Variants in GABRB3 observed in about 807,000 individuals in gnomAD.
GABRB3 encodes the protein gamma-aminobutyric acid receptor subunit beta-3.
Under a neutral mutation model 52.1 loss-of-function variants are expected in GABRB3, and 14 were observed. The ratio of observed to expected loss-of-function variants is 0.27; its 90% CI spans 0.18 to 0.42. The LOEUF is 0.42. Ranked by LOEUF, GABRB3 falls within the 10% of genes least tolerant of loss-of-function variation. The pLI, the probability that GABRB3 is intolerant of heterozygous loss-of-function variation, is 1.00. For missense variants in GABRB3, 307 were observed against 609.1 expected, an observed-to-expected ratio of 0.50 and a Z score of 5.22; for synonymous variants, 260 against 232.3, an observed-to-expected ratio of 1.12 and a Z score of -1.08.
intron 3 of GABRB3, chr15:26,716,522 T>G: frequency 1.1e-6 from 1 of 879,014 alleles, no homozygotes; most frequent in Non-Finnish European, 1.4e-6. Context: ...GAGCAATGTG[T>G]GCAAGTTCCC....
At chr15:26,734,772 T>C in intron 3 of GABRB3, among the ~76,000 whole-genome samples, 1 of 152,030 alleles carries the variant, frequency 6.6e-6, no homozygotes, top group African/African-American at 2.4e-5. Flanking sequence ...ACCCCATCTC[T>C]AAAAAATTTA....
chr15:26,709,563 A>C (rs1226933582), intron 3 of GABRB3, among the ~76,000 whole-genome samples: 1 of 118,876 alleles, frequency 8.4e-6, no homozygotes, highest in South Asian at 2.8e-4. Flanking sequence ...TGTCGCCCAG[A>C]CTGGAGTGCA....
chr15:26,639,932 C>T (rs545225821), intron 3 of GABRB3, among the ~76,000 whole-genome samples: 1 of 152,272 alleles, frequency 6.6e-6, no homozygotes, highest in South Asian at 2.1e-4. Flanking sequence ...GTCTATGATG[C>T]CAACAAGAGT....
intron 3 of GABRB3, among the ~76,000 whole-genome samples, chr15:26,668,401 T>A (rs945120248): frequency 6.6e-6 from 1 of 152,186 alleles, no homozygotes; most frequent in Admixed American, 6.5e-5. Flanking sequence ...TATAAGCTCT[T>A]ACTACATGAG....
chr15:26,648,257 C>CT (rs1344215563), intron 3 of GABRB3, among the ~76,000 whole-genome samples: 2 of 152,112 alleles, frequency 1.3e-5, no homozygotes, highest in Non-Finnish European at 2.9e-5. Context: ...TTTGTGACTG[C>CT]TTTTTTCACT....
intron 3 of GABRB3, among the ~76,000 whole-genome samples, chr15:26,652,129 C>T (rs1416953785): frequency 6.6e-6 from 1 of 152,176 alleles, no homozygotes; most frequent in East Asian, 1.9e-4. Context: ...TCAGGCATTC[C>T]TTTCCATGGA....
At chr15:26,762,945 C>T (rs1051656879) in intron 3 of GABRB3, among the ~76,000 whole-genome samples, 1 of 152,194 alleles carries the variant, frequency 6.6e-6, no homozygotes, top group Non-Finnish European at 1.5e-5. Context: ...ATGGCACAGT[C>T]CAATATACCC....
chr15:26,593,757 T>C (rs535837006), intron 4 of GABRB3, among the ~76,000 whole-genome samples: 2 of 152,174 alleles, frequency 1.3e-5, no homozygotes, highest in South Asian at 4.2e-4. Context: ...TTGGCTACTA[T>C]GAATAATCCC....
chr15:26,615,042 T>C (rs1892204963), intron 4 of GABRB3: 1 of 152,488 alleles, frequency 6.6e-6, no homozygotes, highest in Non-Finnish European at 1.5e-5. Context: ...ATGTATGGCA[T>C]GAAGAAAAGA....
intron 7 of GABRB3, among the ~76,000 whole-genome samples, chr15:26,564,521 T>C (rs529784539): frequency 1.0e-3 from 153 of 152,268 alleles, no homozygotes; most frequent in Non-Finnish European, 1.7e-3. Context: ...GAGCCCTCAA[T>C]AGAGGCCTCT....
chr15:26,687,956 G>A (rs573904648), intron 3 of GABRB3, among the ~76,000 whole-genome samples: 79 of 152,270 alleles, frequency 5.2e-4, no homozygotes, highest in African/African-American at 1.9e-3. Context: ...CTTTTCCAGA[G>A]CACGCTTTTT....
chr15:26,744,742 A>G (rs796512389), intron 3 of GABRB3, among the ~76,000 whole-genome samples: 3 of 152,214 alleles, frequency 2.0e-5, no homozygotes, highest in African/African-American at 7.2e-5. Flanking sequence ...AGAAACTTTC[A>G]TTAAAACTTG....
Position 26,648,112 on chromosome 15 carries a change from A to G in GABRB3, c.241-26578T>C, listed in dbSNP as rs1223962780. On this transcript the variant is annotated intron_variant, in intron 3 of 8. Transcript: ENST00000311550. ...ATCTGCAGAACTCTCCATCACCCCA[A>G]CTGGAACTCTGTGCCCATTAAACAC... 5.3e-5 allele frequency among the ~76,000 whole-genome samples: 8 copies of G among 152,034 alleles called. No homozygotes were observed. The East Asian group carries it at 1.5e-3, about 29-fold the overall frequency.
intron 3 of GABRB3, among the ~76,000 whole-genome samples, chr15:26,750,617 T>C (rs1319186015): frequency 6.6e-6 from 1 of 152,204 alleles, no homozygotes; most frequent in Non-Finnish European, 1.5e-5. Context: ...AAAATGTGTG[T>C]TTACATTAAA....
chr15:26,656,762 A>G lies in GABRB3; in HGVS notation c.241-35228T>C, dbSNP rs1199503289. On this transcript the variant is annotated intron_variant, in intron 3 of 8. Coordinates refer to ENST00000311550, the MANE Select transcript of GABRB3 (RefSeq NM_000814.6). ...ATCCCCAAACCATACCCCTCCCCCAATCGCCCATCTGTGGAAAAAAGTGTC... is the reference window on the plus strand; with the variant it reads ...ATCCCCAAACCATACCCCTCCCCCAGTCGCCCATCTGTGGAAAAAAGTGTC... 1.3e-5 allele frequency among the ~76,000 whole-genome samples: 2 copies of G among 152,138 alleles called. 1 individual carries two copies. The highest frequency in any genetic ancestry group is 4.1e-4 in the South Asian group (2 of 4,830).
At chr15:26,757,825 ATC>A (rs755199872) in intron 3 of GABRB3, among the ~76,000 whole-genome samples, 6 of 152,176 alleles carry the variant, frequency 3.9e-5, no homozygotes, top group Admixed American at 1.3e-4. Context: ...AATTTTAAAA[ATC>A]TCTCTCTATA....
At chr15:26,549,321 G>C (rs1225380303) in intron 8 of GABRB3, among the ~76,000 whole-genome samples, 2 of 152,158 alleles carry the variant, frequency 1.3e-5, no homozygotes, top group East Asian at 3.9e-4. Context: ...GTTCCAAGTA[G>C]GGATAAGACC....
chr15:26,616,593 T>C (rs902672349), intron 4 of GABRB3, among the ~76,000 whole-genome samples: 1 of 143,364 alleles, frequency 7.0e-6, no homozygotes, highest in Non-Finnish European at 1.5e-5. Flanking sequence ...AGTATACCTA[T>C]ACTACACTTG....
intron 8 of GABRB3, among the ~76,000 whole-genome samples, chr15:26,555,618 G>T (rs1411865458): frequency 6.6e-6 from 1 of 152,130 alleles, no homozygotes; most frequent in African/African-American, 2.4e-5. Context: ...TGGGGGCTTT[G>T]GACATGTATG....
Sources: gnomAD v4.1 joint callset for allele counts (sites outside exome capture counted in the v4.1 genomes callset) on GRCh38, gnomAD v4.1.1 for gene constraint, MANE v1.5 for transcripts, NCBI Gene and HGNC (gene_info 2026-07-23, HGNC 2026-07-21) for gene names.